The following RIPOR2 variants were observed in gnomAD, a reference collection of about 807,000 sequenced individuals.
RIPOR2 encodes rho family-interacting cell polarization regulator 2.
Under a neutral mutation model 114.5 loss-of-function variants are expected in RIPOR2, and 39 were observed. The observed-to-expected ratio is 0.34, with a 90% CI of 0.26 to 0.44. The LOEUF is 0.44. RIPOR2 is among the 20% of genes least tolerant of loss of function. The probability of loss-of-function intolerance (pLI) is 1.00; values close to 1 mark genes in which losing one functional copy is unlikely to be tolerated. For missense variants in RIPOR2, 1,007 were observed against 1,255.1 expected (o/e 0.80, Z 2.99); for synonymous variants, 445 against 484.4 (o/e 0.92, Z 1.07).
At chr6:24,824,980 A>T (rs1760027167) in intron 19 of RIPOR2, among the ~76,000 whole-genome samples, 2 of 152,222 alleles carry the variant, frequency 1.3e-5, no homozygotes, top group African/African-American at 4.8e-5. Context: ...TTTAAAAATT[A>T]TGTATGTTAG....
intron 8 of RIPOR2, among the ~76,000 whole-genome samples, chr6:24,856,483 G>A (rs545875891): frequency 7.9e-5 from 12 of 152,150 alleles, no homozygotes; most frequent in South Asian, 2.1e-4. Flanking sequence ...GGTCAGGCAC[G>A]GTGGCTCACA....
chr6:25,017,702 C>T (rs1776083208), intron 1 of RIPOR2, among the ~76,000 whole-genome samples: 1 of 152,180 alleles, frequency 6.6e-6, no homozygotes, highest in Admixed American at 6.5e-5. Flanking sequence ...ATTCACTGTT[C>T]TTGTATTTTG....
chr6:24,948,827 A>G (rs1016397043), intron 1 of RIPOR2, among the ~76,000 whole-genome samples: 1 of 152,144 alleles, frequency 6.6e-6, no homozygotes, highest in Non-Finnish European at 1.5e-5. Context: ...CACCACGCCC[A>G]GCCACTCTCC....
chr6:24,861,126 C>T lies in RIPOR2; in HGVS notation c.652-90G>A, dbSNP rs113803542. Reference sequence around the variant, plus strand: ...CGTTCGAACAGCAGCACAACCACTGCGTGAACAACGAGAAGCATTTACCTG... The same window carrying T: ...CGTTCGAACAGCAGCACAACCACTGTGTGAACAACGAGAAGCATTTACCTG... On this transcript the variant is annotated intron_variant, in intron 7 of 21. Transcript: ENST00000643898. The T allele has an allele frequency of 5.3e-3, 4,067 of 765,344 alleles. 47 individuals carry two copies. The highest frequency in any genetic ancestry group is 0.022 in the South Asian group (1,415 of 64,656). 47.4% of individuals were successfully genotyped at this position (765,344 alleles called of 1,614,324 possible). A position where few individuals can be genotyped will look rare whatever the true frequency, so the allele number is the denominator to read the frequency against.
At chr6:24,872,346 A>G (rs1328543046) in intron 4 of RIPOR2, among the ~76,000 whole-genome samples, 1 of 152,072 alleles carries the variant, frequency 6.6e-6, no homozygotes, top group Non-Finnish European at 1.5e-5. Flanking sequence ...TTGGAGTAAA[A>G]GTTCTAGATT....
intron 1 of RIPOR2, among the ~76,000 whole-genome samples, chr6:24,952,230 C>T (rs1772810674): frequency 6.6e-6 from 1 of 152,154 alleles, no homozygotes; most frequent in East Asian, 1.9e-4. Context: ...CCCACCTAGC[C>T]AACATCCTCT....
intron 1 of RIPOR2, among the ~76,000 whole-genome samples, chr6:24,998,301 G>C (rs1037897168): frequency 5.3e-5 from 8 of 152,228 alleles, no homozygotes; most frequent in African/African-American, 1.9e-4. Context: ...AAAAACACAG[G>C]AGTGTGTTTT....
chr6:24,854,689 TTTTTTGA>T (rs1346436564), intron 8 of RIPOR2, among the ~76,000 whole-genome samples: 1 of 151,960 alleles, frequency 6.6e-6, no homozygotes, highest in Non-Finnish European at 1.5e-5. Context: ...CCTTTAAAAA[TTTTTTGA>T]AGGAAAAAAA....
At position 24,858,029 on chromosome 6, in the gene RIPOR2, A is replaced by T. The variant is rs73398436; in HGVS notation, c.715+2944T>A. ...GCTATTCTGGTGCTGTTCACCATAC[A>T]TTACACTGGGATGCCTTCCTCTTTC... On this transcript the variant is annotated intron_variant, in intron 8 of 21. Transcript: ENST00000643898. This position sits in a 1 kb window ranked among gnomAD's most constrained non-coding sequence, Gnocchi z 4.0. 0.024 allele frequency among the ~76,000 whole-genome samples: 3,716 copies of T among 152,250 alleles called. 76 individuals carry two copies. The highest frequency in any genetic ancestry group is 0.052 in the African/African-American group (2,155 of 41,552).
At chr6:25,008,580 C>T (rs1406120380) in intron 1 of RIPOR2, among the ~76,000 whole-genome samples, 2 of 152,198 alleles carry the variant, frequency 1.3e-5, no homozygotes, top group Non-Finnish European at 2.9e-5. Flanking sequence ...ACTTGGACTT[C>T]TGGCCTATAA....
chr6:24,876,666 TAAG>T (rs1275785298), intron 1 of RIPOR2, among the ~76,000 whole-genome samples: 11 of 152,090 alleles, frequency 7.2e-5, no homozygotes, highest in Admixed American at 3.9e-4. Flanking sequence ...CAGTGCAAAA[TAAG>T]AAGGGTAAAG....
chr6:24,982,616 A>T (rs1489075296), intron 1 of RIPOR2, among the ~76,000 whole-genome samples: 1 of 152,220 alleles, frequency 6.6e-6, no homozygotes, highest in Non-Finnish European at 1.5e-5. Flanking sequence ...CTTCCTAAGA[A>T]TCAAATAAAA....
At chr6:24,825,081 C>G in intron 19 of RIPOR2, 145 bp downstream of exon 19, 1 of 640,558 alleles carries the variant, frequency 1.6e-6, no homozygotes, top group Non-Finnish European at 2.6e-6. Flanking sequence ...ATCTATATTT[C>G]TTTAGTTTTG....
chr6:24,820,152 C>G (rs1165844178), intron 19 of RIPOR2, among the ~76,000 whole-genome samples: 1 of 152,156 alleles, frequency 6.6e-6, no homozygotes, highest in Non-Finnish European at 1.5e-5. Context: ...CCTGCCTCAG[C>G]CTCCCTAGTA....
intron 1 of RIPOR2, among the ~76,000 whole-genome samples, chr6:24,998,013 A>G (rs1775121840): frequency 6.6e-6 from 1 of 152,186 alleles, no homozygotes; most frequent in Non-Finnish European, 1.5e-5. Context: ...AAAAAGTCTT[A>G]GGAATAGAGC....
At chr6:24,806,504 A>G (rs549011780) in intron 21 of RIPOR2, 31 bp from the exon 22 acceptor site, 1 of 1,426,010 alleles carries the variant, frequency 7.0e-7, no homozygotes, top group Admixed American at 2.3e-5. Context: ...ATGAATACCA[A>G]TTCAAACAAC....
At chr6:24,884,839 A>G (rs531829343) in intron 1 of RIPOR2, among the ~76,000 whole-genome samples, 2 of 152,384 alleles carry the variant, frequency 1.3e-5, no homozygotes, top group African/African-American at 4.8e-5. Context: ...GCTTTAAAAC[A>G]CAGAGAAAAC....
At chr6:25,014,058 A>G (rs1775876321) in intron 1 of RIPOR2, among the ~76,000 whole-genome samples, 1 of 152,156 alleles carries the variant, frequency 6.6e-6, no homozygotes, top group Non-Finnish European at 1.5e-5. Context: ...GTATTTTTCA[A>G]CCCTAATTTA....
chr6:24,804,661 C>A lies in RIPOR2; in HGVS notation c.*1712G>T, dbSNP rs1216413451. The A allele has an allele frequency of 3.9e-5, 6 of 152,066 alleles. No individual in the cohort carries two copies. The highest frequency in any genetic ancestry group is 4.8e-5 in the African/African-American group (2 of 41,422). The allele number at this position is 152,066 out of a possible 1,614,324, so 9.4% of individuals were successfully genotyped here. ...AGTTCACAGTTGAAAGAACCATTTG[C>A]CAGAAGCCTGGCAAACAATTTGCAC... On this transcript the variant is annotated 3_prime_UTR_variant, in exon 22 of 22. Transcript: ENST00000643898.
Sources: allele counts gnomAD v4.1 joint callset (sites outside exome capture counted in the v4.1 genomes callset), GRCh38; gene constraint gnomAD v4.1.1; non-coding constraint Gnocchi (gnomAD v3.1); transcripts MANE v1.5; gene names NCBI Gene and HGNC (gene_info 2026-07-23, HGNC 2026-07-21).